Variants in MOSMO observed in about 807,000 individuals in gnomAD.
The protein encoded by MOSMO is modulator of smoothened protein.
Under a neutral mutation model 18.4 loss-of-function variants are expected in MOSMO, and 5 were observed. That is an observed-to-expected ratio of 0.27 (90% CI 0.14 to 0.57). The LOEUF (loss-of-function observed/expected upper bound fraction) is 0.57. Ranked by LOEUF, MOSMO falls within the 20% of genes least tolerant of loss-of-function variation. MOSMO has a pLI of 0.92. For missense variants in MOSMO, 138 were observed against 211.8 expected, an observed-to-expected ratio of 0.65 and a Z score of 2.16; for synonymous variants, 82 against 82.3, an observed-to-expected ratio of 1.00 and a Z score of 0.02.
chr16:22,023,583 A>G (rs1481532467), intron 1 of MOSMO, among the ~76,000 whole-genome samples: 1 of 151,740 alleles, frequency 6.6e-6, no homozygotes, highest in Non-Finnish European at 1.5e-5. Flanking sequence ...AAAAGATTGT[A>G]TCTCTTATCC....
intron 1 of MOSMO, among the ~76,000 whole-genome samples, chr16:22,027,434 A>T (rs930964218): frequency 1.3e-4 from 19 of 151,396 alleles, no homozygotes; most frequent in African/African-American, 4.6e-4. Context: ...GTTCTAACCA[A>T]CTCCTTCTAG....
intron 1 of MOSMO, among the ~76,000 whole-genome samples, chr16:22,011,842 C>T (rs1351564306): frequency 6.8e-6 from 1 of 147,476 alleles, no homozygotes; most frequent in Non-Finnish European, 1.5e-5. Context: ...AAACATAAAA[C>T]GAATGGGACA....
chr16:22,090,371 C>G (rs1016375064), downstream of MOSMO: 10 of 152,120 alleles, frequency 6.6e-5, no homozygotes, highest in African/African-American at 2.4e-4. Flanking sequence ...TTTCCTTAAA[C>G]CAGTTTGAGT....
At chr16:22,009,006 G>C (rs1343029939) in intron 1 of MOSMO, among the ~76,000 whole-genome samples, 2 of 152,152 alleles carry the variant, frequency 1.3e-5, no homozygotes, top group South Asian at 4.1e-4. Context: ...TGAATGGTGG[G>C]TGCTGGGAGA....
chr16:22,049,471 A>G (rs1473169170), intron 1 of MOSMO, among the ~76,000 whole-genome samples: 3 of 152,110 alleles, frequency 2.0e-5, no homozygotes, highest in Admixed American at 6.5e-5. Context: ...TTAAAAATGT[A>G]TATACTTTTG....
chr16:22,058,207 C>A (rs1900573036), intron 1 of MOSMO, among the ~76,000 whole-genome samples: 1 of 152,100 alleles, frequency 6.6e-6, no homozygotes, highest in South Asian at 2.1e-4. Context: ...GCGGGTAGAT[C>A]ACAAGGTCAG....
chr16:22,041,021 AG>A (rs1353866350), intron 1 of MOSMO, among the ~76,000 whole-genome samples: 2 of 152,222 alleles, frequency 1.3e-5, no homozygotes, highest in Non-Finnish European at 2.9e-5. Flanking sequence ...AGTTCCAGGA[AG>A]GGAAGAGATA....
intron 1 of MOSMO, among the ~76,000 whole-genome samples, chr16:22,024,504 A>C (rs1246463635): frequency 6.6e-6 from 1 of 151,818 alleles, no homozygotes; most frequent in East Asian, 1.9e-4. Context: ...AGCTGGGACT[A>C]TATAGGCTTA....
chr16:22,037,617 T>C (rs1407215585), intron 1 of MOSMO, among the ~76,000 whole-genome samples: 1 of 152,238 alleles, frequency 6.6e-6, no homozygotes, highest in African/African-American at 2.4e-5. Context: ...CCTGTGCTTC[T>C]GATCAACTGG....
intron 1 of MOSMO, among the ~76,000 whole-genome samples, chr16:22,074,825 CT>C (rs1409773847): frequency 6.6e-6 from 1 of 152,190 alleles, no homozygotes; most frequent in African/African-American, 2.4e-5. Flanking sequence ...AGTGTGAACA[CT>C]TGTAAACTCT....
chr16:22,057,029 G>A (rs1900551623), intron 1 of MOSMO, among the ~76,000 whole-genome samples: 1 of 152,078 alleles, frequency 6.6e-6, no homozygotes, highest in African/African-American at 2.4e-5. Context: ...AATAGTATCA[G>A]TGACCTAGGA....
intron 1 of MOSMO, among the ~76,000 whole-genome samples, chr16:22,015,933 A>G (rs1056599324): frequency 1.2e-4 from 18 of 152,184 alleles, no homozygotes; most frequent in African/African-American, 4.3e-4. Context: ...ATTAGAGTAA[A>G]GACTGCTGAT....
chr16:22,077,546 G>A (rs143506459), intron 2 of MOSMO, among the ~76,000 whole-genome samples: 2,418 of 152,186 alleles, frequency 0.016, 73 homozygotes, highest in Admixed American at 0.071. Flanking sequence ...TTTCCTACTA[G>A]AGGTATTCAG....
chr16:22,054,330 A>C (rs1900491343), intron 1 of MOSMO, among the ~76,000 whole-genome samples: 1 of 152,178 alleles, frequency 6.6e-6, no homozygotes, highest in African/African-American at 2.4e-5. Context: ...ACCTGGGCTC[A>C]GGCGATCCTC....
intron 1 of MOSMO, among the ~76,000 whole-genome samples, chr16:22,010,853 G>A (rs761136132): frequency 1.3e-5 from 2 of 151,874 alleles, no homozygotes; most frequent in Non-Finnish European, 2.9e-5. Context: ...CTTGGGAGGC[G>A]GAGGTTGCAG....
chr16:22,082,950 G>A lies in MOSMO; in HGVS notation c.*2070G>A, dbSNP rs1371936169. 2 of 152,150 alleles carry A rather than the reference G, an allele frequency of 1.3e-5. No individual in the cohort carries two copies. The highest frequency in any genetic ancestry group is 4.8e-5 in the African/African-American group (2 of 41,438). 9.4% of individuals were successfully genotyped at this position (152,150 alleles called of 1,614,324 possible). ...CTAGTCAAGTCTAAGAATACCACTG[G>A]ACATGTTCTATGGACATTTGGGATT... is the stretch of plus-strand genomic sequence containing the variant. On this transcript the variant is annotated 3_prime_UTR_variant, in exon 3 of 3. Transcript: ENST00000542527.
chr16:22,066,381 A>G (rs968465451), intron 1 of MOSMO, among the ~76,000 whole-genome samples: 4 of 152,322 alleles, frequency 2.6e-5, no homozygotes, highest in African/African-American at 9.6e-5. Flanking sequence ...TAGAATGTCC[A>G]TAGGAGTCTT....
At chr16:22,016,713 A>T (rs1273488151) in intron 1 of MOSMO, among the ~76,000 whole-genome samples, 1 of 152,192 alleles carries the variant, frequency 6.6e-6, no homozygotes, top group African/African-American at 2.4e-5. Flanking sequence ...ACTATTTACG[A>T]GCCGTGTAAT....
At chr16:22,065,398 C>A (rs569692391) in intron 1 of MOSMO, among the ~76,000 whole-genome samples, 1 of 152,216 alleles carries the variant, frequency 6.6e-6, no homozygotes, top group African/African-American at 2.4e-5. Context: ...ATTGGTATTA[C>A]AATAAAATCC....
Sources: gnomAD v4.1 joint callset for allele counts (sites outside exome capture counted in the v4.1 genomes callset) on GRCh38, gnomAD v4.1.1 for gene constraint, MANE v1.5 for transcripts, NCBI Gene and HGNC (gene_info 2026-07-23, HGNC 2026-07-21) for gene names.